The following ACSM5 variants were observed in gnomAD, a reference collection of about 807,000 sequenced individuals.
The protein encoded by ACSM5 is acyl-coenzyme A synthetase ACSM5, mitochondrial.
In ACSM5, 56 loss-of-function variants were observed where a neutral mutation model predicts 71.6. The ratio of observed to expected loss-of-function variants is 0.78; its 90% CI spans 0.63 to 0.98. The LOEUF is 0.98. ACSM5 is among the 50% of genes least tolerant of loss of function. ACSM5 has a pLI of 0.00. For missense variants in ACSM5, 723 were observed against 726.0 expected (o/e 1.00, Z 0.05); for synonymous variants, 285 against 281.5 (o/e 1.01, Z -0.12).
chr16:20,423,273 G>A (rs1017067218), intron 5 of ACSM5, among the ~76,000 whole-genome samples: 6 of 152,342 alleles, frequency 3.9e-5, no homozygotes, highest in South Asian at 2.1e-4. Context: ...AGGAGTGCGC[G>A]TGTCCCAGGA....
At chr16:20,435,960 CTTCTTTCT>C (rs1967184848) in intron 10 of ACSM5, among the ~76,000 whole-genome samples, 1 of 135,034 alleles carries the variant, frequency 7.4e-6, no homozygotes, top group Non-Finnish European at 1.6e-5. Flanking sequence ...TCCTTCTTTC[CTTCTTTCT>C]TCCTTCCTTT....
intron 4 of ACSM5, among the ~76,000 whole-genome samples, chr16:20,420,719 T>C (rs376069293): frequency 0.045 from 6,868 of 152,096 alleles, 166 homozygotes; most frequent in South Asian, 0.095. Flanking sequence ...AAGAAAACAT[T>C]AAAGATTCTG....
chr16:20,413,513 C>T (rs972723510), intron 2 of ACSM5, among the ~76,000 whole-genome samples: 96 of 152,264 alleles, frequency 6.3e-4, no homozygotes, highest in African/African-American at 2.0e-3. Context: ...CCAAAACAAT[C>T]ACAGACAAAT....
chr16:20,409,889 AGGGGCGGG>A (rs1375997369), intron 1 of ACSM5, among the ~76,000 whole-genome samples: 2 of 9,306 alleles, frequency 2.1e-4, no homozygotes, highest in Admixed American at 1.4e-3. Flanking sequence ...GGGAGAGGTG[AGGGGCGGG>A]AGAGGTGAGG....
chr16:20,421,422 G>A (rs1265143910), intron 5 of ACSM5, 21 bp downstream of exon 5: 1 of 1,553,330 alleles, frequency 6.4e-7, no homozygotes, highest in African/African-American at 1.4e-5. Flanking sequence ...AGCTTGTCTA[G>A]AGGATCCAAG....
chr16:20,422,892 T>A (rs1966905358), intron 5 of ACSM5, among the ~76,000 whole-genome samples: 1 of 152,172 alleles, frequency 6.6e-6, no homozygotes, highest in South Asian at 2.1e-4. Flanking sequence ...CCTGAACAAC[T>A]GGAAGCACTA....
At chr16:20,434,475 C>T (rs1308639356) in intron 10 of ACSM5, among the ~76,000 whole-genome samples, 1 of 152,184 alleles carries the variant, frequency 6.6e-6, no homozygotes, top group Non-Finnish European at 1.5e-5. Flanking sequence ...TGGTGGATCA[C>T]CTGAGGTCAG....
At chr16:20,421,015 G>A (rs1966876250) in intron 4 of ACSM5, 2 of 317,012 alleles carry the variant, frequency 6.3e-6, no homozygotes, top group Admixed American at 5.1e-5. Flanking sequence ...TGGTAAGAAA[G>A]CATGGACTCT....
intron 2 of ACSM5, among the ~76,000 whole-genome samples, chr16:20,416,108 C>A (rs1471872529): frequency 2.0e-5 from 3 of 151,060 alleles, no homozygotes; most frequent in African/African-American, 7.3e-5. Context: ...AGAAATACAC[C>A]CCATGCTCAT....
chr16:20,419,202 C>G (rs1429892528), intron 3 of ACSM5, 26 bp from the exon 4 acceptor site: 2 of 1,613,000 alleles, frequency 1.2e-6, no homozygotes, highest in Admixed American at 1.7e-5. Flanking sequence ...GCTATCCACT[C>G]AACATCCCCT....
chr16:20,413,714 G>T (rs114695348), intron 2 of ACSM5, among the ~76,000 whole-genome samples: 90 of 152,274 alleles, frequency 5.9e-4, no homozygotes, highest in African/African-American at 2.1e-3. Context: ...CTTTGCACAC[G>T]CTTAGAAAAG....
chr16:20,436,170 C>G (rs1382694644), intron 10 of ACSM5, among the ~76,000 whole-genome samples: 1 of 142,124 alleles, frequency 7.0e-6, no homozygotes, highest in Admixed American at 7.2e-5. Context: ...TTCCTCCTTT[C>G]CTCCCTCCCT....
At position 20,440,637 on chromosome 16, in the gene ACSM5, A is replaced by C; in HGVS notation, c.*210A>C. On this transcript the variant is annotated 3_prime_UTR_variant, in exon 14 of 14. Transcript: ENST00000331849. ...TGATCACATAGATGCTGCGCCGCCT[A>C]GCAAATGCTTGGTGGTTCGACTTCT... The C allele has an allele frequency of 2.0e-6, 1 of 508,538 alleles. No homozygotes were observed. The highest frequency in any genetic ancestry group is 3.7e-6 in the Non-Finnish European group (1 of 272,116). The allele number at this position is 508,538 out of a possible 1,614,324, so 31.5% of individuals were successfully genotyped here. A position where few individuals can be genotyped will look rare whatever the true frequency, so the allele number is the denominator to read the frequency against.
chr16:20,411,523 G>A lies in ACSM5; in HGVS notation c.39G>A (p.Leu13=), dbSNP rs1406811442. The A allele has an allele frequency of 6.2e-7, 1 of 1,614,170 alleles. No homozygotes were observed. Among genetic ancestry groups the A allele is most frequent in the South Asian group, 1.1e-5 (1 of 91,072 alleles). ...PWLRHLVLQA[L]RNSRAFCGSH... ...TGAGACACCTAGTCCTCCAGGCACT[G>A]AGGAACTCCAGGGCATTCTGTGGGT... is the stretch of plus-strand genomic sequence containing the variant. The change falls in exon 2 of 14, where the codon CTG becomes CTA. Residue 13 remains leucine (L), a synonymous_variant. Transcript: ENST00000331849.
rs771625950 is a variant in ACSM5, at chr16:20,440,445, C to G, written c.*18C>G. ...GGAAATGAGGTGCACCCCAGGAAGG[C>G]CCCGTAGACCTCCGAAGACTCCACA... On this transcript the variant is annotated 3_prime_UTR_variant, in exon 14 of 14. Coordinates refer to ENST00000331849, the MANE Select transcript of ACSM5 (RefSeq NM_017888.3). The G allele has an allele frequency of 1.4e-5, 23 of 1,598,890 alleles. 2 individuals carry two copies. In the South Asian group the frequency reaches 2.4e-4, roughly 17 times the overall value.
chr16:20,411,911 C>T (rs1966848547), intron 2 of ACSM5: 2 of 557,534 alleles, frequency 3.6e-6, no homozygotes, highest in African/African-American at 3.8e-5. Flanking sequence ...GTCCTGCATT[C>T]TTGAGCCCAA....
At chr16:20,417,990 A>T in intron 2 of ACSM5, 69 bp from the exon 3 acceptor site, 1 of 1,440,560 alleles carries the variant, frequency 6.9e-7, no homozygotes, top group Non-Finnish European at 9.5e-7. Context: ...TAAAACATTA[A>T]ACAGCAACAA....
At chr16:20,422,151 G>A (rs141649387) in intron 5 of ACSM5, among the ~76,000 whole-genome samples, 24 of 151,286 alleles carry the variant, frequency 1.6e-4, no homozygotes, top group Admixed American at 2.6e-4. Context: ...TTGCTCTTTT[G>A]CCCAGGCTGG....
rs769288655 is a variant in ACSM5, at chr16:20,421,294, G to T, written c.660G>T (p.Lys220Asn). Residue 220 changes from lysine to asparagine, a missense_variant, in exon 5 of 14, where the codon AAG (lysine) becomes AAT (asparagine). Transcript: ENST00000331849. ...ASTEHNCMRT[K>N]SRDPLAIYFT... Reference sequence around the variant, plus strand: ...CAGAGCACAACTGCATGAGGACAAAGAGTCGAGACCCGCTGGCCATCTACT... The same window carrying T: ...CAGAGCACAACTGCATGAGGACAAATAGTCGAGACCCGCTGGCCATCTACT... 6.2e-7 allele frequency: 1 copy of T among 1,606,462 alleles called. No individual in the cohort carries two copies. The highest frequency in any genetic ancestry group is 8.5e-7 in the Non-Finnish European group (1 of 1,175,762).
Sources: gnomAD v4.1 joint callset for allele counts (sites outside exome capture counted in the v4.1 genomes callset) on GRCh38, gnomAD v4.1.1 for gene constraint, MANE v1.5 for transcripts, NCBI Gene and HGNC (gene_info 2026-07-23, HGNC 2026-07-21) for gene names.